Variants in ADAM22 observed in about 807,000 individuals in gnomAD.
ADAM22 encodes the protein ADAM metallopeptidase domain 22.
A neutral mutation model predicts 144.6 loss-of-function variants in ADAM22; 65 were observed. The ratio of observed to expected loss-of-function variants is 0.45; its 90% CI spans 0.37 to 0.55. The LOEUF (loss-of-function observed/expected upper bound fraction) is 0.55, where lower values mean the gene tolerates loss of function less well. Ranked by LOEUF, ADAM22 falls within the 20% of genes least tolerant of loss-of-function variation. The pLI, the probability that ADAM22 is intolerant of heterozygous loss-of-function variation, is 0.00. For synonymous variants in ADAM22, 391 were observed against 412.6 expected (o/e 0.95, Z 0.63); for missense variants, 974 against 1,184.9 (o/e 0.82, Z 2.61).
At chr7:88,046,648 A>G (rs1563097918) in intron 3 of ADAM22, among the ~76,000 whole-genome samples, 1 of 152,310 alleles carries the variant, frequency 6.6e-6, no homozygotes, top group Middle Eastern at 3.4e-3. Flanking sequence ...GCCCAGAGCA[A>G]TATCAGGAAG....
intron 2 of ADAM22, among the ~76,000 whole-genome samples, chr7:87,957,807 T>G (rs934590172): frequency 4.6e-5 from 7 of 152,128 alleles, no homozygotes; most frequent in South Asian, 2.1e-4. Context: ...GGTCTCAAAC[T>G]CCTGACCTCA....
At chr7:88,166,797 A>G (rs1414732847) in intron 24 of ADAM22, among the ~76,000 whole-genome samples, 1 of 152,118 alleles carries the variant, frequency 6.6e-6, no homozygotes, top group Non-Finnish European at 1.5e-5. Context: ...TTCAAAGACA[A>G]TAATATTTAG....
intron 4 of ADAM22, among the ~76,000 whole-genome samples, chr7:88,086,106 T>C (rs1054129766): frequency 6.6e-6 from 1 of 151,942 alleles, no homozygotes; most frequent in Non-Finnish European, 1.5e-5. Flanking sequence ...AACTCAGGAG[T>C]TGGAGGTTGC....
In ADAM22 at chr7:88,046,967, C is replaced by T. The variant is rs558173229; in HGVS notation, c.324-28659C>T. Among the ~76,000 whole-genome samples, 15 of 152,168 alleles carry T rather than the reference C, an allele frequency of 9.9e-5. No homozygotes were observed. In the East Asian group the frequency reaches 2.9e-3, roughly 29 times the overall value. The stretch of plus-strand genomic sequence containing the variant: ...CAGATGGTAGACTCAGGAATTAGAC[C>T]TACGTGGGAATACATCTTGGTGTAA... On this transcript the variant is annotated intron_variant, in intron 3 of 31. Coordinates refer to ENST00000413139, the MANE Select transcript of ADAM22 (RefSeq NM_001324418.2).
intron 31 of ADAM22, among the ~76,000 whole-genome samples, chr7:88,195,769 G>A (rs544957360): frequency 2.0e-5 from 3 of 151,702 alleles, no homozygotes; most frequent in African/African-American, 7.3e-5. Flanking sequence ...TGCCCATCTC[G>A]GCCTCCCAAA....
At position 88,142,645 on chromosome 7, in the gene ADAM22, T is replaced by C. The variant is rs559500192; in HGVS notation, c.1221-381T>C. Among the ~76,000 whole-genome samples, 176 of 152,250 alleles carry C rather than the reference T, an allele frequency of 1.2e-3. No homozygotes were observed. The Middle Eastern group carries it at 0.014, about 12-fold the overall frequency. On this transcript the variant is annotated intron_variant, in intron 14 of 31. Transcript: ENST00000413139. ...CAAAGTCAGGAGATCGAGACCATCC[T>C]GGCTAACACGATGAAACCCCGTCTC...
At chr7:88,189,440 TC>T (rs1275699948) in intron 30 of ADAM22, among the ~76,000 whole-genome samples, 1 of 152,190 alleles carries the variant, frequency 6.6e-6, no homozygotes, top group Non-Finnish European at 1.5e-5. Flanking sequence ...ATTCCTCACA[TC>T]CTAGAGTGTA....
chr7:88,181,657 C>G (rs1171114037), intron 28 of ADAM22, 52 bp downstream of exon 28: 1 of 1,455,408 alleles, frequency 6.9e-7, no homozygotes. Flanking sequence ...GTTCTATATT[C>G]TGTGGCCCCT....
intron 7 of ADAM22, among the ~76,000 whole-genome samples, chr7:88,121,205 A>T (rs998054705): frequency 6.6e-6 from 1 of 152,068 alleles, no homozygotes. Flanking sequence ...TTTTCCAAAA[A>T]TTTTTGGCTA....
rs537296773 is a variant in ADAM22 at position 88,081,978 on chromosome 7, A to G, written c.390+6286A>G. On this transcript the variant is annotated intron_variant, in intron 4 of 31. Coordinates refer to ENST00000413139, the MANE Select transcript of ADAM22 (RefSeq NM_001324418.2). ...CCAATGACTTTCTTCACAGAATTGG[A>G]AAAAACTACTTTAAAGTTCATATGG... is the stretch of plus-strand genomic sequence containing the variant. Among the ~76,000 whole-genome samples, 338 of 152,138 alleles carry G rather than the reference A, an allele frequency of 2.2e-3. 1 individual carries two copies. The highest frequency in any genetic ancestry group is 7.6e-3 in the African/African-American group (315 of 41,458).
chr7:88,120,173 AAT>A (rs962691701), intron 7 of ADAM22, among the ~76,000 whole-genome samples: 2 of 151,526 alleles, frequency 1.3e-5, no homozygotes, highest in African/African-American at 4.8e-5. Context: ...GTTTTTTTTT[AAT>A]ATATATATAT....
chr7:88,017,998 T>C (rs1796934520), intron 3 of ADAM22, among the ~76,000 whole-genome samples: 1 of 152,150 alleles, frequency 6.6e-6, no homozygotes, highest in Admixed American at 6.5e-5. Context: ...TCTGTGATGG[T>C]CCCATTGAGT....
At chr7:88,168,068 A>G in intron 24 of ADAM22, 69 bp from the exon 25 acceptor site, 3 of 1,345,112 alleles carry the variant, frequency 2.2e-6, no homozygotes, top group Non-Finnish European at 3.1e-6. Context: ...TGATTACAAA[A>G]CTGAACAATA....
chr7:88,098,894 A>G (rs575521616), intron 4 of ADAM22, among the ~76,000 whole-genome samples: 41 of 152,278 alleles, frequency 2.7e-4, no homozygotes, highest in South Asian at 4.2e-4. Flanking sequence ...GATTGATACT[A>G]CAAGATCCTA....
chr7:87,985,067 A>T (rs935673368), intron 3 of ADAM22, among the ~76,000 whole-genome samples: 2 of 151,276 alleles, frequency 1.3e-5, no homozygotes, highest in African/African-American at 4.9e-5. Context: ...TAATCCCAGC[A>T]CTTTGGGAGG....
chr7:88,125,363 A>G (rs1830160137), intron 7 of ADAM22, among the ~76,000 whole-genome samples: 1 of 152,046 alleles, frequency 6.6e-6, no homozygotes, highest in South Asian at 2.1e-4. Context: ...AAAATTTTCC[A>G]GATAAATTAG....
At chr7:88,025,131 A>G (rs1798729302) in intron 3 of ADAM22, among the ~76,000 whole-genome samples, 2 of 152,150 alleles carry the variant, frequency 1.3e-5, no homozygotes, top group African/African-American at 2.4e-5. Context: ...TGCCACACTG[A>G]CTTCCACAAT....
At chr7:88,024,154 G>A (rs1262923012) in intron 3 of ADAM22, among the ~76,000 whole-genome samples, 1 of 152,112 alleles carries the variant, frequency 6.6e-6, no homozygotes, top group Non-Finnish European at 1.5e-5. Context: ...CCATAAACAT[G>A]GAAGTACAGA....
intron 4 of ADAM22, among the ~76,000 whole-genome samples, chr7:88,090,745 A>T (rs1227260765): frequency 1.3e-5 from 2 of 152,160 alleles, no homozygotes; most frequent in African/African-American, 2.4e-5. Context: ...TGGTAATTTA[A>T]TGAGAAATTA....
Sources: allele counts gnomAD v4.1 joint callset (sites outside exome capture counted in the v4.1 genomes callset), GRCh38; gene constraint gnomAD v4.1.1; transcripts MANE v1.5; gene names NCBI Gene and HGNC (gene_info 2026-07-23, HGNC 2026-07-21).